Variants in PCCA observed in about 807,000 individuals in gnomAD.
PCCA encodes the protein propionyl-CoA carboxylase alpha chain, mitochondrial.
A neutral mutation model predicts 101.3 loss-of-function variants in PCCA; 74 were observed. The ratio of observed to expected loss-of-function variants is 0.73; its 90% CI spans 0.61 to 0.89. The LOEUF is 0.89. PCCA is among the 40% of genes least tolerant of loss of function. PCCA has a pLI of 0.00. For missense variants in PCCA, 891 were observed against 907.0 expected, an observed-to-expected ratio of 0.98 and a Z score of 0.23; for synonymous variants, 294 against 313.6, an observed-to-expected ratio of 0.94 and a Z score of 0.66.
chr13:100,367,790 C>CTACTAAAAA (rs1220232491), intron 18 of PCCA, among the ~76,000 whole-genome samples: 4 of 151,198 alleles, frequency 2.6e-5, no homozygotes, highest in African/African-American at 4.9e-5. Context: ...AACCCCATCT[C>CTACTAAAAA]TACTAAAAAT....
chr13:100,261,904 A>C (rs1380193560), intron 9 of PCCA, among the ~76,000 whole-genome samples: 1 of 152,152 alleles, frequency 6.6e-6, no homozygotes, highest in African/African-American at 2.4e-5. Flanking sequence ...TTCCTGTTGG[A>C]TGTTCAATCT....
At position 100,352,963 on chromosome 13, in the gene PCCA, C is replaced by T. The variant is rs554725381; in HGVS notation, c.1643+12704C>T. 6.1e-3 allele frequency among the ~76,000 whole-genome samples: 929 copies of T among 152,258 alleles called. 12 individuals carry two copies. The highest frequency in any genetic ancestry group is 0.014 in the African/African-American group (563 of 41,538). Reference sequence around the variant, plus strand: ...AATGCCTGGACTCAAGTAATCCTTACGCCTCAGCCTTCCAAGTAGCTGGGA... The same window carrying T: ...AATGCCTGGACTCAAGTAATCCTTATGCCTCAGCCTTCCAAGTAGCTGGGA... On this transcript the variant is annotated intron_variant, in intron 18 of 23. Transcript: ENST00000376285.
At chr13:100,381,313 C>T (rs943395480) in intron 19 of PCCA, among the ~76,000 whole-genome samples, 1 of 150,264 alleles carries the variant, frequency 6.7e-6, no homozygotes, top group Admixed American at 6.7e-5. Flanking sequence ...GGCATGAACC[C>T]GGGAGGTGGA....
intron 21 of PCCA, chr13:100,473,256 C>T (rs2083159208): frequency 6.6e-6 from 1 of 152,232 alleles, no homozygotes; most frequent in South Asian, 2.1e-4. Context: ...TTTTCTTTGC[C>T]TCTGCGCTGC....
At chr13:100,237,918 A>ACTTTCTTT (rs771727338) in intron 8 of PCCA, among the ~76,000 whole-genome samples, 5 of 142,684 alleles carry the variant, frequency 3.5e-5, no homozygotes, top group East Asian at 2.0e-4. Context: ...CTTTTCTTCC[A>ACTTTCTTT]CTTTCTTTCT....
At chr13:100,519,116 T>A (rs766359246) in intron 22 of PCCA, among the ~76,000 whole-genome samples, 1 of 152,224 alleles carries the variant, frequency 6.6e-6, no homozygotes, top group Non-Finnish European at 1.5e-5. Flanking sequence ...TAATATTGCA[T>A]TTAGTTAAGA....
intron 12 of PCCA, 88 bp downstream of exon 12, chr13:100,273,434 A>T: frequency 5.8e-6 from 6 of 1,032,624 alleles, no homozygotes; most frequent in Non-Finnish European, 7.5e-6. Flanking sequence ...ATGTTAAAAA[A>T]TTAACTCCAT....
At chr13:100,369,795 A>T (rs2075447299) in intron 19 of PCCA, among the ~76,000 whole-genome samples, 1 of 152,202 alleles carries the variant, frequency 6.6e-6, no homozygotes, top group South Asian at 2.1e-4. Flanking sequence ...TGGTCATTTC[A>T]GAAAAACAGC....
intron 21 of PCCA, among the ~76,000 whole-genome samples, chr13:100,483,921 A>C (rs1481889202): frequency 6.6e-6 from 1 of 152,172 alleles, no homozygotes; most frequent in Non-Finnish European, 1.5e-5. Flanking sequence ...TACCAGAAGG[A>C]GTGCTTTGTG....
At chr13:100,496,902 C>T (rs188483007) in intron 21 of PCCA, among the ~76,000 whole-genome samples, 14 of 152,238 alleles carry the variant, frequency 9.2e-5, no homozygotes, top group African/African-American at 2.2e-4. Context: ...CATGGAGCCA[C>T]GAAACTTCAT....
chr13:100,410,432 A>G (rs1357090249), intron 19 of PCCA, among the ~76,000 whole-genome samples: 2 of 152,002 alleles, frequency 1.3e-5, no homozygotes, highest in Admixed American at 6.6e-5. Flanking sequence ...TATTAGAGAC[A>G]GGGTTTCACT....
intron 18 of PCCA, among the ~76,000 whole-genome samples, chr13:100,356,260 TA>T (rs2073944605): frequency 6.6e-6 from 1 of 152,108 alleles, no homozygotes; most frequent in East Asian, 1.9e-4. Context: ...AAAAATTAGA[TA>T]AATTGGACTT....
chr13:100,324,249 T>A (rs1459843732), intron 16 of PCCA, among the ~76,000 whole-genome samples: 3 of 152,212 alleles, frequency 2.0e-5, no homozygotes, highest in African/African-American at 7.2e-5. Context: ...TGACCAAGAT[T>A]AGATACTTCA....
intron 7 of PCCA, among the ~76,000 whole-genome samples, chr13:100,210,321 A>G (rs6491554): frequency 0.016 from 2,362 of 152,302 alleles, 66 homozygotes; most frequent in African/African-American, 0.054. Flanking sequence ...AGAGTGAGAA[A>G]CTGTTTGAGC....
At chr13:100,172,849 G>C (rs2055836012) in intron 6 of PCCA, among the ~76,000 whole-genome samples, 1 of 152,184 alleles carries the variant, frequency 6.6e-6, no homozygotes, top group South Asian at 2.1e-4. Flanking sequence ...CGAAGAAGCA[G>C]AAGTTGCTCA....
intron 4 of PCCA, among the ~76,000 whole-genome samples, chr13:100,151,606 C>G (rs1467518128): frequency 6.6e-6 from 1 of 150,622 alleles, no homozygotes; most frequent in African/African-American, 2.4e-5. Context: ...AAAAACCAAA[C>G]AAACAGAAAA....
chr13:100,197,476 G>T (rs189896891), intron 6 of PCCA, among the ~76,000 whole-genome samples: 1 of 151,948 alleles, frequency 6.6e-6, no homozygotes, highest in African/African-American at 2.4e-5. Flanking sequence ...ACAGAGTGTC[G>T]CTTTGTCACC....
At chr13:100,263,591 A>G (rs998527581) in intron 10 of PCCA, among the ~76,000 whole-genome samples, 1 of 152,150 alleles carries the variant, frequency 6.6e-6, no homozygotes, top group Non-Finnish European at 1.5e-5. Flanking sequence ...GATATTATTT[A>G]TGGGTGGAAA....
rs746045202 is a variant in PCCA, at chr13:100,189,341, G to A, written c.469-19991G>A. Among the ~76,000 whole-genome samples, 20 of 152,292 alleles carry A rather than the reference G, an allele frequency of 1.3e-4. 1 individual carries two copies. Among genetic ancestry groups the A allele is most frequent in the Admixed American group, 1.0e-3 (16 of 15,300 alleles). Reference sequence around the variant, plus strand: ...CTTTGCTACTGTGAATAGTGCCGTAGTAAACATACGTGTGCATGTGTGTTT... The same window carrying A: ...CTTTGCTACTGTGAATAGTGCCGTAATAAACATACGTGTGCATGTGTGTTT... On this transcript the variant is annotated intron_variant, in intron 6 of 23. Coordinates refer to ENST00000376285, the MANE Select transcript of PCCA (RefSeq NM_000282.4).
Sources: gnomAD v4.1 joint callset for allele counts (sites outside exome capture counted in the v4.1 genomes callset) on GRCh38, gnomAD v4.1.1 for gene constraint, MANE v1.5 for transcripts, NCBI Gene and HGNC (gene_info 2026-07-23, HGNC 2026-07-21) for gene names.